The following CDH8 variants were observed in gnomAD, a reference collection of about 807,000 sequenced individuals.
The protein encoded by CDH8 is cadherin 8.
A neutral mutation model predicts 68.1 loss-of-function variants in CDH8; 17 were observed. The observed-to-expected ratio is 0.25, with a 90% CI of 0.17 to 0.37. The LOEUF (loss-of-function observed/expected upper bound fraction) is 0.37. Ranked by LOEUF, CDH8 falls within the 10% of genes least tolerant of loss-of-function variation. The pLI, the probability that CDH8 is intolerant of heterozygous loss-of-function variation, is 1.00. For synonymous variants in CDH8, 372 were observed against 365.1 expected, an observed-to-expected ratio of 1.02 and a Z score of -0.21; for missense variants, 763 against 999.3, an observed-to-expected ratio of 0.76 and a Z score of 3.19.
chr16:61,965,759 G>T (rs1026563811), intron 2 of CDH8, among the ~76,000 whole-genome samples: 1 of 152,146 alleles, frequency 6.6e-6, no homozygotes, highest in East Asian at 1.9e-4. Context: ...GTGTACTTTG[G>T]GGGACATTAT....
chr16:61,812,534 C>T (rs998894845), intron 7 of CDH8, among the ~76,000 whole-genome samples: 3 of 151,922 alleles, frequency 2.0e-5, no homozygotes, highest in Admixed American at 1.3e-4. Flanking sequence ...AATCACATAC[C>T]ATCTCAAAGC....
chr16:61,771,437 A>G (rs1215296173), intron 8 of CDH8, among the ~76,000 whole-genome samples: 1 of 149,056 alleles, frequency 6.7e-6, no homozygotes, highest in Non-Finnish European at 1.5e-5. Context: ...TGCCTCACAC[A>G]CAAATCTAAT....
intron 7 of CDH8, among the ~76,000 whole-genome samples, chr16:61,799,320 C>T (rs187664319): frequency 4.5e-4 from 69 of 152,242 alleles, no homozygotes; most frequent in African/African-American, 1.7e-3. Flanking sequence ...ATAAAAAAAG[C>T]ATCTTACAAT....
At chr16:61,917,645 C>A (rs777742684) in intron 2 of CDH8, among the ~76,000 whole-genome samples, 1 of 152,156 alleles carries the variant, frequency 6.6e-6, no homozygotes, top group Non-Finnish European at 1.5e-5. Flanking sequence ...CATGTTGTAG[C>A]TTGTTATGTA....
intron 3 of CDH8, among the ~76,000 whole-genome samples, chr16:61,885,876 A>T (rs1963663422): frequency 6.6e-6 from 1 of 152,188 alleles, no homozygotes; most frequent in South Asian, 2.1e-4. Context: ...AGAACAAAGC[A>T]TGGAAGACTG....
intron 3 of CDH8, among the ~76,000 whole-genome samples, chr16:61,861,994 A>G (rs1963159129): frequency 6.6e-6 from 1 of 152,162 alleles, no homozygotes; most frequent in Non-Finnish European, 1.5e-5. Context: ...AGTTTTGCAT[A>G]ATGGCTTTGA....
At chr16:61,669,180 CA>C in intron 10 of CDH8, among the ~76,000 whole-genome samples, 1 of 152,196 alleles carries the variant, frequency 6.6e-6, no homozygotes, top group East Asian at 1.9e-4. Flanking sequence ...TAACGTGCTT[CA>C]TCAGGCAAGC....
At chr16:62,019,391 A>T (rs1373330654) in intron 2 of CDH8, among the ~76,000 whole-genome samples, 1 of 152,220 alleles carries the variant, frequency 6.6e-6, no homozygotes, top group Non-Finnish European at 1.5e-5. Context: ...GGTTTGGTTT[A>T]TTAATCCATC....
At chr16:61,835,814 T>C (rs1325561392) in intron 4 of CDH8, among the ~76,000 whole-genome samples, 1 of 151,936 alleles carries the variant, frequency 6.6e-6, no homozygotes, top group African/African-American at 2.4e-5. Context: ...ATTGGATGCT[T>C]TCTCCTAGCA....
At chr16:61,919,848 A>G (rs1964328010) in intron 2 of CDH8, among the ~76,000 whole-genome samples, 2 of 152,198 alleles carry the variant, frequency 1.3e-5, no homozygotes, top group Non-Finnish European at 2.9e-5. Flanking sequence ...CCTGACTTCA[A>G]ACTATACTAC....
Position 61,788,393 on chromosome 16 carries a change from T to G in CDH8, c.1414+953A>C, listed in dbSNP as rs563248099. 3.9e-5 allele frequency among the ~76,000 whole-genome samples: 6 copies of G among 152,206 alleles called. No individual in the cohort carries two copies. In the South Asian group the frequency reaches 1.2e-3, roughly 32 times the overall value. On this transcript the variant is annotated intron_variant, in intron 8 of 11. Coordinates refer to ENST00000577390, the MANE Select transcript of CDH8 (RefSeq NM_001796.5). ...GTGTGCCCATGAATCTTTCTTAACA[T>G]TGATTTTTATTTCTTATTCAAATTC...
intron 2 of CDH8, among the ~76,000 whole-genome samples, chr16:61,986,096 G>C (rs981402138): frequency 1.3e-5 from 2 of 150,402 alleles, no homozygotes; most frequent in Non-Finnish European, 3.0e-5. Context: ...GCTAATTTTT[G>C]TATTTTTAGT....
chr16:61,779,487 GGAA>G (rs1426282287), intron 8 of CDH8, among the ~76,000 whole-genome samples: 1 of 145,896 alleles, frequency 6.9e-6, no homozygotes, highest in African/African-American at 2.5e-5. Flanking sequence ...AGGGAAACAA[GGAA>G]GAAGTTGTGA....
rs77122284 is a variant in CDH8 at position 61,651,794 on chromosome 16, C to G, written c.*1814G>C. 4,480 of 152,314 alleles carry G rather than the reference C, an allele frequency of 0.029. 94 individuals carry two copies. Among genetic ancestry groups the G allele is most frequent in the South Asian group, 0.048 (233 of 4,822 alleles). The allele number at this position is 152,314 out of a possible 1,614,324, so 9.4% of individuals were successfully genotyped here. A position where few individuals can be genotyped will look rare whatever the true frequency, so the allele number is the denominator to read the frequency against. ...ACCCAAATGACACAGCTGGACTAGC[C>G]TTTAGGTGTTCCATGTTCCTCTTAT... On this transcript the variant is annotated 3_prime_UTR_variant, in exon 12 of 12. Transcript: ENST00000577390.
At chr16:61,904,123 C>T (rs1028338059) in intron 2 of CDH8, among the ~76,000 whole-genome samples, 5 of 152,144 alleles carry the variant, frequency 3.3e-5, no homozygotes, top group African/African-American at 1.2e-4. Context: ...CACACACAGA[C>T]ATGTACATAC....
At chr16:61,909,095 GA>G (rs926961046) in intron 2 of CDH8, among the ~76,000 whole-genome samples, 6 of 147,324 alleles carry the variant, frequency 4.1e-5, no homozygotes, top group African/African-American at 7.5e-5. Context: ...TCTGCTCTAC[GA>G]AAAAAAAAAG....
chr16:61,684,610 A>G (rs1043649567), intron 10 of CDH8, among the ~76,000 whole-genome samples: 1 of 152,020 alleles, frequency 6.6e-6, no homozygotes, highest in Non-Finnish European at 1.5e-5. Flanking sequence ...CACATAACAC[A>G]TTACTAGGAC....
chr16:62,008,863 C>T (rs1901733932), intron 2 of CDH8, among the ~76,000 whole-genome samples: 1 of 151,920 alleles, frequency 6.6e-6, no homozygotes, highest in South Asian at 2.1e-4. Flanking sequence ...TATAAATGTT[C>T]CTACAAAGTC....
At chr16:61,708,629 T>C (rs1964575048) in intron 10 of CDH8, among the ~76,000 whole-genome samples, 1 of 152,258 alleles carries the variant, frequency 6.6e-6, no homozygotes, top group African/African-American at 2.4e-5. Context: ...ATCTGTTTTA[T>C]CTATTTTTCT....
Sources: allele counts gnomAD v4.1 joint callset (sites outside exome capture counted in the v4.1 genomes callset), GRCh38; gene constraint gnomAD v4.1.1; transcripts MANE v1.5; gene names NCBI Gene and HGNC (gene_info 2026-07-23, HGNC 2026-07-21).